The following CPLANE1 variants were observed in gnomAD, a reference collection of about 807,000 sequenced individuals.
CPLANE1 encodes the protein ciliogenesis and planar polarity effector complex subunit 1, also known as ciliogenesis and planar polarity effector 1.
A neutral mutation model predicts 362.5 loss-of-function variants in CPLANE1; 263 were observed. The observed-to-expected ratio is 0.73, with a 90% CI of 0.66 to 0.80. The LOEUF is 0.80. Among genes scored for constraint, CPLANE1 ranks in the 30% least tolerant of loss-of-function variants. The pLI is 0.00. For synonymous variants in CPLANE1, 1,212 were observed against 1,302.6 expected (o/e 0.93, Z 1.50); for missense variants, 3,461 against 3,793.4 (o/e 0.91, Z 2.30).
In CPLANE1 at chr5:37,221,730, G is replaced by T. The variant is rs926221156; in HGVS notation, c.2582-242C>A. Among the ~76,000 whole-genome samples the T allele has an allele frequency of 5.9e-5, 9 of 152,204 alleles. No individual in the cohort carries two copies. In the South Asian group the frequency reaches 1.7e-3, roughly 28 times the overall value. ...ACTCAGAAAGAATGGATAAGAGGTA[G>T]GCAACCAGCAGTTTCAGTCTTCAGA... On this transcript the variant is annotated intron_variant, in intron 14 of 52. Coordinates refer to ENST00000651892, the MANE Select transcript of CPLANE1 (RefSeq NM_001384732.1).
intron 46 of CPLANE1, among the ~76,000 whole-genome samples, chr5:37,137,413 T>C (rs1340298330): frequency 6.6e-6 from 1 of 152,210 alleles, no homozygotes; most frequent in African/African-American, 2.4e-5. Flanking sequence ...TCCTGTCTTC[T>C]TCTGAGTCCT....
At chr5:37,145,517 A>C (rs1771279075) in intron 43 of CPLANE1, among the ~76,000 whole-genome samples, 1 of 152,102 alleles carries the variant, frequency 6.6e-6, no homozygotes, top group African/African-American at 2.4e-5. Flanking sequence ...TACAACCTTT[A>C]ATTCTTGGGC....
chr5:37,245,752 G>A lies in CPLANE1; in HGVS notation c.175C>T (p.Pro59Ser). The A allele has an allele frequency of 1.3e-6, 2 of 1,536,482 alleles. No homozygotes were observed. Among genetic ancestry groups the A allele is most frequent in the Non-Finnish European group, 1.8e-6 (2 of 1,142,066 alleles). Residue 59 changes from proline (P) to serine (S), a missense_variant, in exon 3 of 53, where the codon CCT (proline) becomes TCT (serine). Coordinates refer to ENST00000651892, the MANE Select transcript of CPLANE1 (RefSeq NM_001384732.1). ...AGGACAATAACATCCTTCAAGAAAG[G>A]CTGCAGACTAGGAATTTTCTTCTTT... ...KIKKKIPSLQ[P>S]FLKDVIVLTT...
the CPLANE1 span, among the ~76,000 whole-genome samples, chr5:37,096,557 G>A: frequency 6.6e-6 from 1 of 152,190 alleles, no homozygotes; most frequent in Non-Finnish European, 1.5e-5. Context: ...TAAATAGCTG[G>A]GTCTTAATTA....
rs1057521766 is a variant in CPLANE1 at position 37,224,714 on chromosome 5, T to C, written c.2318A>G (p.Tyr773Cys). 2 of 1,551,006 alleles carry C rather than the reference T, an allele frequency of 1.3e-6. No homozygotes were observed. Among genetic ancestry groups the C allele is most frequent in the Non-Finnish European group, 1.7e-6 (2 of 1,146,584 alleles). ...TGCTTGATACCATAAAGTTTTTTTG[T>C]ACAGTATTCTCCAGAGAATAAGCAA... The part of the protein sequence containing the change: ...HRLLILWRIL[Y>C]KKTLWYQAQL... Residue 773 changes from tyrosine (Y) to cysteine (C), a missense_variant, in exon 13 of 53, where the codon TAC (tyrosine) becomes TGC (cysteine). Tyr to Cys is a radical substitution (Grantham distance 194, BLOSUM62 -2). Coordinates refer to ENST00000651892, the MANE Select transcript of CPLANE1 (RefSeq NM_001384732.1).
intron 5 of CPLANE1, among the ~76,000 whole-genome samples, chr5:37,243,687 AATAT>A (rs1048079915): frequency 6.8e-6 from 1 of 147,238 alleles, no homozygotes; most frequent in Non-Finnish European, 1.5e-5. Flanking sequence ...ATACATATAT[AATAT>A]ATAACATATA....
At chr5:37,167,938 G>T (rs1778748714) in intron 34 of CPLANE1, among the ~76,000 whole-genome samples, 1 of 152,164 alleles carries the variant, frequency 6.6e-6, no homozygotes, top group South Asian at 2.1e-4. Context: ...TGGGAATTGG[G>T]TGATAAAAAC....
the CPLANE1 span, among the ~76,000 whole-genome samples, chr5:37,086,047 TATAAA>T: frequency 2.0e-5 from 3 of 152,148 alleles, no homozygotes; most frequent in African/African-American, 7.2e-5. Flanking sequence ...TTCCCAAATT[TATAAA>T]ATAATTACTA....
At chr5:37,186,515 T>G (rs1784039198) in intron 23 of CPLANE1, 121 bp from the exon 24 acceptor site, 1 of 614,272 alleles carries the variant, frequency 1.6e-6, no homozygotes, top group Admixed American at 2.7e-5. Context: ...TCTTTTGAAG[T>G]CAGGTCAAAG....
intron 21 of CPLANE1, among the ~76,000 whole-genome samples, chr5:37,188,516 C>A (rs1784628315): frequency 1.3e-5 from 2 of 152,166 alleles, no homozygotes; most frequent in Admixed American, 6.5e-5. Flanking sequence ...TTGAGACCAG[C>A]CTCCATGTTG....
chr5:37,076,536 T>C, the CPLANE1 span, among the ~76,000 whole-genome samples: 6 of 151,900 alleles, frequency 3.9e-5, no homozygotes, highest in Non-Finnish European at 5.9e-5. Flanking sequence ...GGTCTCAAAC[T>C]CCTGACCTCA....
At chr5:37,235,567 C>CTTTTTTTTT (rs546612161) in intron 8 of CPLANE1, among the ~76,000 whole-genome samples, 2 of 93,362 alleles carry the variant, frequency 2.1e-5, no homozygotes, top group Non-Finnish European at 3.9e-5. Flanking sequence ...TATCTAATTT[C>CTTTTTTTTT]TTTTTTTTTT....
At chr5:37,191,180 T>C (rs970751577) in intron 21 of CPLANE1, among the ~76,000 whole-genome samples, 1 of 152,048 alleles carries the variant, frequency 6.6e-6, no homozygotes, top group African/African-American at 2.4e-5. Context: ...TGTTGTGTCT[T>C]AGTTTAAATT....
intron 46 of CPLANE1, among the ~76,000 whole-genome samples, chr5:37,137,738 T>A (rs1286494010): frequency 2.6e-5 from 4 of 152,082 alleles, no homozygotes; most frequent in African/African-American, 9.7e-5. Context: ...CCCCTTATAA[T>A]ACCATCAGTT....
chr5:37,132,810 A>G (rs1240345847), intron 46 of CPLANE1, among the ~76,000 whole-genome samples: 1 of 152,138 alleles, frequency 6.6e-6, no homozygotes, highest in Non-Finnish European at 1.5e-5. Context: ...TGTTTTTGTT[A>G]CAACTGCTTT....
the CPLANE1 span, among the ~76,000 whole-genome samples, chr5:37,091,196 G>A: frequency 2.6e-5 from 4 of 151,900 alleles, no homozygotes; most frequent in African/African-American, 9.7e-5. Context: ...ATGGCAAACA[G>A]ATGTTACACA....
intron 50 of CPLANE1, among the ~76,000 whole-genome samples, chr5:37,118,304 G>A (rs1320007790): frequency 9.2e-5 from 14 of 151,706 alleles, no homozygotes; most frequent in Admixed American, 5.3e-4. Flanking sequence ...TACTCGGGAG[G>A]CTGAGGTGGG....
chr5:37,147,186 C>T (rs1441529552), intron 43 of CPLANE1, among the ~76,000 whole-genome samples: 1 of 152,180 alleles, frequency 6.6e-6, no homozygotes, highest in East Asian at 1.9e-4. Flanking sequence ...ACACTACATA[C>T]AACCAACAGA....
At chr5:37,098,389 T>TA in the CPLANE1 span, among the ~76,000 whole-genome samples, 1 of 29,804 alleles carries the variant, frequency 3.4e-5, no homozygotes, top group African/African-American at 1.7e-4. Flanking sequence ...AAACTCCGTC[T>TA]CAAAAAAAAA....
Sources: gnomAD v4.1 joint callset for allele counts (sites outside exome capture counted in the v4.1 genomes callset) on GRCh38, gnomAD v4.1.1 for gene constraint, MANE v1.5 for transcripts, NCBI Gene and HGNC (gene_info 2026-07-23, HGNC 2026-07-21) for gene names.